The following CTNNA3 variants were observed in gnomAD, a reference collection of about 807,000 sequenced individuals.
CTNNA3 encodes catenin alpha-3.
Under a neutral mutation model 95.7 loss-of-function variants are expected in CTNNA3, and 76 were observed. The observed-to-expected ratio is 0.79, with a 90% CI of 0.66 to 0.96. CTNNA3 has a LOEUF of 0.96. Among genes scored for constraint, CTNNA3 ranks in the 40% least tolerant of loss-of-function variants. The pLI, the probability that CTNNA3 is intolerant of heterozygous loss-of-function variation, is 0.00. For synonymous variants in CTNNA3, 431 were observed against 374.4 expected (o/e 1.15, Z -1.74); for missense variants, 1,191 against 1,089.8 (o/e 1.09, Z -1.31).
At chr10:67,391,000 C>G (rs1844448336) in intron 5 of CTNNA3, among the ~76,000 whole-genome samples, 1 of 152,150 alleles carries the variant, frequency 6.6e-6, no homozygotes, top group African/African-American at 2.4e-5. Flanking sequence ...TGGCACAAGA[C>G]AGGGATGCCC....
intron 5 of CTNNA3, among the ~76,000 whole-genome samples, chr10:67,510,581 C>CT (rs771868764): frequency 4.6e-5 from 7 of 151,826 alleles, no homozygotes; most frequent in African/African-American, 7.2e-5. Context: ...GTACCATGCT[C>CT]TTTTGGTTAC....
At chr10:66,505,431 C>T (rs1381762653) in intron 11 of CTNNA3, among the ~76,000 whole-genome samples, 2 of 152,114 alleles carry the variant, frequency 1.3e-5, no homozygotes, top group African/African-American at 4.8e-5. Flanking sequence ...GATCCCTGAA[C>T]AATATACTGT....
intron 2 of CTNNA3, among the ~76,000 whole-genome samples, chr10:67,641,302 A>G (rs1171030722): frequency 6.6e-6 from 1 of 152,168 alleles, no homozygotes; most frequent in East Asian, 1.9e-4. Flanking sequence ...CAAAACCACA[A>G]TGAGATACCA....
At chr10:66,403,015 TAACCAATTGCAA>T (rs1345465636) in intron 11 of CTNNA3, among the ~76,000 whole-genome samples, 1 of 152,196 alleles carries the variant, frequency 6.6e-6, no homozygotes, top group Non-Finnish European at 1.5e-5. Context: ...TTCTCTGCCT[TAACCAATTGCAA>T]ATCAGAAAAT....
intron 1 of CTNNA3, among the ~76,000 whole-genome samples, chr10:67,744,054 T>C (rs1841359314): frequency 6.6e-6 from 1 of 151,216 alleles, no homozygotes; most frequent in African/African-American, 2.4e-5. Context: ...GAAGAATCAA[T>C]ACCATGAAAA....
chr10:67,393,953 A>G (rs1183323904), intron 5 of CTNNA3, among the ~76,000 whole-genome samples: 2 of 152,214 alleles, frequency 1.3e-5, no homozygotes, highest in Non-Finnish European at 2.9e-5. Context: ...TCCTTCAGCA[A>G]TAATGATTTA....
intron 9 of CTNNA3, among the ~76,000 whole-genome samples, chr10:66,714,297 G>A (rs1444595753): frequency 6.6e-6 from 1 of 151,876 alleles, no homozygotes; most frequent in Non-Finnish European, 1.5e-5. Flanking sequence ...GCACCTTTAC[G>A]CCAATGACTA....
chr10:66,331,349 T>G (rs1246930715), intron 12 of CTNNA3, among the ~76,000 whole-genome samples: 2 of 86,170 alleles, frequency 2.3e-5, no homozygotes, highest in Admixed American at 2.4e-4. Context: ...TTTGTTTTTT[T>G]TTTTTTTTTT....
At chr10:67,055,606 C>G (rs1051474418) in intron 7 of CTNNA3, among the ~76,000 whole-genome samples, 3 of 152,100 alleles carry the variant, frequency 2.0e-5, no homozygotes, top group Non-Finnish European at 4.4e-5. Flanking sequence ...ATATAATCAA[C>G]ACAATATTTT....
intron 14 of CTNNA3, among the ~76,000 whole-genome samples, chr10:66,090,591 C>A (rs1336842926): frequency 6.6e-6 from 1 of 152,006 alleles, no homozygotes; most frequent in Non-Finnish European, 1.5e-5. Context: ...AAGTCTGATT[C>A]AAACATAGGA....
chr10:66,040,721 A>G (rs2079669091), intron 15 of CTNNA3, among the ~76,000 whole-genome samples: 1 of 152,080 alleles, frequency 6.6e-6, no homozygotes, highest in Non-Finnish European at 1.5e-5. Context: ...ACTGGCGCCT[A>G]CTGGAGGGTG....
chr10:66,813,621 T>C (rs1841966454), intron 7 of CTNNA3, among the ~76,000 whole-genome samples: 1 of 152,194 alleles, frequency 6.6e-6, no homozygotes, highest in African/African-American at 2.4e-5. Context: ...AAAAGTTAAT[T>C]ATGTTTCTAT....
chr10:65,940,599 A>G (rs1160677467), intron 17 of CTNNA3, among the ~76,000 whole-genome samples: 1 of 152,234 alleles, frequency 6.6e-6, no homozygotes, highest in East Asian at 1.9e-4. Flanking sequence ...CATTTTACTT[A>G]GAGACCTGTG....
At chr10:66,107,388 C>T (rs932164109) in intron 13 of CTNNA3, among the ~76,000 whole-genome samples, 1 of 152,070 alleles carries the variant, frequency 6.6e-6, no homozygotes, top group African/African-American at 2.4e-5. Context: ...AAAGATAAAA[C>T]AAGATGACGG....
chr10:66,822,088 AT>A (rs1842322309), intron 7 of CTNNA3, among the ~76,000 whole-genome samples: 1 of 143,168 alleles, frequency 7.0e-6, no homozygotes, highest in Non-Finnish European at 1.5e-5. Flanking sequence ...AATTACATAT[AT>A]TATATGTAAA....
chr10:66,599,485 A>C (rs1843842930), intron 10 of CTNNA3, among the ~76,000 whole-genome samples: 2 of 151,914 alleles, frequency 1.3e-5, no homozygotes, highest in Non-Finnish European at 2.9e-5. Flanking sequence ...CCCATGCTAG[A>C]GTTTGCTTTT....
chr10:65,923,013 G>A (rs945968182), intron 17 of CTNNA3, among the ~76,000 whole-genome samples: 7 of 152,020 alleles, frequency 4.6e-5, no homozygotes, highest in African/African-American at 1.7e-4. Context: ...AACAGCATGG[G>A]GGAAACTGCC....
chr10:66,608,596 C>A (rs1379361548), intron 10 of CTNNA3, among the ~76,000 whole-genome samples: 1 of 151,816 alleles, frequency 6.6e-6, no homozygotes, highest in Admixed American at 6.6e-5. Flanking sequence ...AAAACAGAGA[C>A]CAATGGAATA....
chr10:67,446,137 G>A lies in CTNNA3; in HGVS notation c.579+75705C>T, dbSNP rs538403471. 3.3e-5 allele frequency among the ~76,000 whole-genome samples: 5 copies of A among 152,198 alleles called. No homozygotes were observed. The East Asian group carries it at 9.7e-4, about 29-fold the overall frequency. ...AGGGAAGGCAAACATGAAGAAAAAG[G>A]CCTGTATTTTGAACCGAATCAGTCA... On this transcript the variant is annotated intron_variant, in intron 5 of 17. Transcript: ENST00000433211.
Sources: gnomAD v4.1 joint callset for allele counts (sites outside exome capture counted in the v4.1 genomes callset) on GRCh38, gnomAD v4.1.1 for gene constraint, MANE v1.5 for transcripts, NCBI Gene and HGNC (gene_info 2026-07-23, HGNC 2026-07-21) for gene names.